SDK1: variants seen among roughly 807,000 people sequenced by gnomAD.
SDK1 encodes the protein sidekick cell adhesion molecule 1, also known as protein sidekick-1.
SDK1 carries 157 observed loss-of-function variants against 245.5 expected under a neutral mutation model. The observed-to-expected ratio is 0.64, with a 90% confidence interval of 0.56 to 0.73. The LOEUF is 0.73. Among genes scored for constraint, SDK1 ranks in the 30% least tolerant of loss-of-function variants. The probability of loss-of-function intolerance (pLI) is 0.00; values close to 1 mark genes in which losing one functional copy is unlikely to be tolerated. For synonymous variants in SDK1, 1,647 were observed against 1,278.5 expected, an observed-to-expected ratio of 1.29 and a Z score of -6.15; for missense variants, 3,583 against 3,002.3, an observed-to-expected ratio of 1.19 and a Z score of -4.52.
intron 4 of SDK1, among the ~76,000 whole-genome samples, chr7:3,818,913 G>A (rs12701191): frequency 6.6e-6 from 1 of 152,098 alleles, no homozygotes; most frequent in Non-Finnish European, 1.5e-5. Flanking sequence ...CTCTTGTGTT[G>A]CATGGCTGGA....
intron 14 of SDK1, among the ~76,000 whole-genome samples, chr7:4,005,341 G>C (rs1301671434): frequency 6.6e-6 from 1 of 151,332 alleles, no homozygotes. Flanking sequence ...TTATTGCCTG[G>C]AGACTGGATT....
chr7:3,355,103 A>T (rs1011712353), intron 1 of SDK1, among the ~76,000 whole-genome samples: 5 of 152,192 alleles, frequency 3.3e-5, no homozygotes, highest in Admixed American at 6.5e-5. Context: ...TGTTAATTCC[A>T]TTGACACATC....
At chr7:3,703,047 C>T (rs1051488138) in intron 4 of SDK1, among the ~76,000 whole-genome samples, 10 of 134,080 alleles carry the variant, frequency 7.5e-5, no homozygotes, top group Non-Finnish European at 1.1e-4. Context: ...AAAGTAAATG[C>T]GAGACTCTGT....
At chr7:3,835,390 C>T (rs1780007590) in intron 5 of SDK1, among the ~76,000 whole-genome samples, 2 of 152,214 alleles carry the variant, frequency 1.3e-5, no homozygotes, top group Admixed American at 1.3e-4. Flanking sequence ...CTTCTGGATA[C>T]AGTGGCTAAA....
chr7:4,079,323 C>A (rs1487841479), intron 21 of SDK1, 140 bp from the exon 22 acceptor site: 2 of 1,093,422 alleles, frequency 1.8e-6, no homozygotes, highest in Admixed American at 3.9e-5. Context: ...TGCTTCTCAC[C>A]TTCATGGTTT....
chr7:3,352,099 G>A (rs1233902257), intron 1 of SDK1, among the ~76,000 whole-genome samples: 5 of 149,870 alleles, frequency 3.3e-5, no homozygotes, highest in African/African-American at 4.9e-5. Context: ...AAATTAAGAA[G>A]TATATTTCTT....
intron 5 of SDK1, among the ~76,000 whole-genome samples, chr7:3,944,023 C>T (rs752555622): frequency 1.3e-5 from 2 of 152,192 alleles, no homozygotes; most frequent in Non-Finnish European, 2.9e-5. Context: ...GCCTGGGAAA[C>T]GTTCAGTTGA....
At chr7:3,717,790 G>C (rs1750828375) in intron 4 of SDK1, among the ~76,000 whole-genome samples, 1 of 152,068 alleles carries the variant, frequency 6.6e-6, no homozygotes, top group Admixed American at 6.5e-5. Flanking sequence ...CTCCCCACTT[G>C]ATATCCTGGC....
intron 4 of SDK1, among the ~76,000 whole-genome samples, chr7:3,764,843 A>G (rs1780208338): frequency 1.3e-5 from 2 of 152,196 alleles, no homozygotes; most frequent in Admixed American, 1.3e-4. Context: ...AGGAAAATCC[A>G]GCTGTCTTTT....
rs1484625427 is a variant in SDK1, at chr7:4,077,101, C to T, written c.3114C>T (p.Leu1038=). ...ACAAGATCCAAGGCCTCTCATCTCT[C>T]ACCACCTACACCATCGACGTGGCCG... ...HEYKIQGLSS[L]TTYTIDVAAV... The change falls in exon 21 of 45, where the codon CTC becomes CTT. Residue 1038 remains leucine (L), a synonymous_variant. Transcript: ENST00000404826. 1.9e-6 allele frequency: 3 copies of T among 1,614,224 alleles called. No individual in the cohort carries two copies. Among genetic ancestry groups the T allele is most frequent in the Admixed American group, 3.3e-5 (2 of 60,032 alleles).
intron 1 of SDK1, among the ~76,000 whole-genome samples, chr7:3,562,156 C>G (rs903730872): frequency 6.6e-6 from 1 of 152,198 alleles, no homozygotes; most frequent in Non-Finnish European, 1.5e-5. Context: ...GTTTCGGAAA[C>G]TGCATAGCAC....
chr7:3,612,403 A>G (rs1781622138), intron 1 of SDK1, among the ~76,000 whole-genome samples: 2 of 152,144 alleles, frequency 1.3e-5, no homozygotes, highest in Non-Finnish European at 1.5e-5. Flanking sequence ...AAAAAGATTG[A>G]TATTACTATT....
rs539149905 is a variant in SDK1, at chr7:3,602,337, C to G, written c.299-16743C>G. On this transcript the variant is annotated intron_variant, in intron 1 of 44. Transcript: ENST00000404826. ...TATTTCTCCACATCCTCTCCAGCAC[C>G]TGTTGTTTCCTGACTTTTTAATGAT... Among the ~76,000 whole-genome samples, 21 of 151,158 alleles carry G rather than the reference C, an allele frequency of 1.4e-4. No individual in the cohort carries two copies. In the South Asian group the frequency reaches 4.5e-3, roughly 32 times the overall value.
chr7:4,174,210 A>G lies in SDK1; in HGVS notation c.4801-12A>G. 6.2e-7 allele frequency: 1 copy of G among 1,613,808 alleles called. No individual in the cohort carries two copies. Among genetic ancestry groups the G allele is most frequent in the Non-Finnish European group, 8.5e-7 (1 of 1,179,856 alleles). On this transcript the variant is annotated splice_polypyrimidine_tract_variant and intron_variant, in intron 32 of 44. Coordinates refer to ENST00000404826, the MANE Select transcript of SDK1 (RefSeq NM_152744.4). ...CCCATGGTGTGGCTGAGTCGGTGTG[A>G]TGTCTTTGCAGCCTCCGAGGGACGA...
chr7:4,021,971 C>G (rs934059885), intron 17 of SDK1, among the ~76,000 whole-genome samples: 8 of 152,222 alleles, frequency 5.3e-5, no homozygotes, highest in Admixed American at 5.2e-4. Flanking sequence ...GCTCCTCAGC[C>G]TCAGGCCCCC....
chr7:4,029,836 G>C (rs1450015249), intron 17 of SDK1, among the ~76,000 whole-genome samples: 1 of 152,166 alleles, frequency 6.6e-6, no homozygotes, highest in Non-Finnish European at 1.5e-5. Flanking sequence ...CCCAGAATCA[G>C]AAATCAAAAA....
At chr7:3,460,588 G>T (rs770631684) in intron 1 of SDK1, among the ~76,000 whole-genome samples, 5 of 152,144 alleles carry the variant, frequency 3.3e-5, no homozygotes, top group Non-Finnish European at 7.4e-5. Flanking sequence ...ACAGATTCCA[G>T]ATTTAATGAC....
chr7:3,915,618 C>G (rs1388101438), intron 5 of SDK1, among the ~76,000 whole-genome samples: 3 of 152,206 alleles, frequency 2.0e-5, no homozygotes, highest in Admixed American at 6.5e-5. Context: ...TCCATTAAGC[C>G]TCTTTTTCTT....
chr7:3,542,369 T>C (rs1431934160), intron 1 of SDK1, among the ~76,000 whole-genome samples: 4 of 152,176 alleles, frequency 2.6e-5, no homozygotes, highest in African/African-American at 9.7e-5. Flanking sequence ...GCCTGTGCCT[T>C]GTAGCGATTT....
Sources: allele counts gnomAD v4.1 joint callset (sites outside exome capture counted in the v4.1 genomes callset), GRCh38; gene constraint gnomAD v4.1.1; transcripts MANE v1.5; gene names NCBI Gene and HGNC (gene_info 2026-07-23, HGNC 2026-07-21).